Variants in LRRTM3 observed in about 807,000 individuals in gnomAD.
LRRTM3 encodes leucine rich repeat transmembrane neuronal 3.
LRRTM3 carries 24 observed loss-of-function variants against 44.7 expected under a neutral mutation model. The observed-to-expected ratio is 0.54, with a 90% CI of 0.39 to 0.76. The LOEUF (loss-of-function observed/expected upper bound fraction) is 0.76, where lower values mean the gene tolerates loss of function less well. LRRTM3 is among the 30% of genes least tolerant of loss of function. The probability of loss-of-function intolerance (pLI) is 0.00; values close to 1 mark genes in which losing one functional copy is unlikely to be tolerated. For synonymous variants in LRRTM3, 277 were observed against 278.7 expected (o/e 0.99, Z 0.06); for missense variants, 587 against 702.2 (o/e 0.84, Z 1.85).
chr10:66,926,803 T>C, intron 1 of LRRTM3, 118 bp from the exon 2 acceptor site: 3 of 976,020 alleles, frequency 3.1e-6, no homozygotes, highest in South Asian at 1.8e-5. Flanking sequence ...TAATATGTGA[T>C]GTTAAGTGTT....
At chr10:67,071,647 G>A (rs971956614) in intron 2 of LRRTM3, among the ~76,000 whole-genome samples, 4 of 151,578 alleles carry the variant, frequency 2.6e-5, no homozygotes, top group Admixed American at 6.6e-5. Context: ...TGTGTGTGGC[G>A]GTCTTTCCAA....
At chr10:67,005,928 T>C (rs1916372) in intron 2 of LRRTM3, among the ~76,000 whole-genome samples, 79,282 of 151,356 alleles carry the variant, frequency 0.52, 21,483 homozygotes, top group Middle Eastern at 0.74. Context: ...TCAGGTGACC[T>C]GCCTGCCTTG....
intron 2 of LRRTM3, chr10:67,015,203 T>A (rs1852583141): frequency 6.6e-6 from 1 of 152,160 alleles, no homozygotes; most frequent in South Asian, 2.1e-4. Flanking sequence ...TTAACATGCT[T>A]TCATTATCAT....
intron 2 of LRRTM3, among the ~76,000 whole-genome samples, chr10:67,071,583 A>G (rs1348132595): frequency 6.6e-6 from 1 of 151,828 alleles, no homozygotes; most frequent in Non-Finnish European, 1.5e-5. Context: ...AAATGTCCCT[A>G]TGAATGTTTT....
At chr10:66,973,305 T>C (rs1168575345) in intron 2 of LRRTM3, among the ~76,000 whole-genome samples, 1 of 152,174 alleles carries the variant, frequency 6.6e-6, no homozygotes, top group African/African-American at 2.4e-5. Context: ...GAAGAAAATT[T>C]CATAATATTC....
chr10:66,959,315 C>T lies in LRRTM3; in HGVS notation c.1536+30863C>T, dbSNP rs370468600. The stretch of plus-strand genomic sequence containing the variant: ...AATGCCTGGATTGATGATCAGGGAA[C>T]TCTTTGAGCTAGAAACCAAGACAGG... On this transcript the variant is annotated intron_variant, in intron 2 of 2. Coordinates refer to ENST00000361320, the MANE Select transcript of LRRTM3 (RefSeq NM_178011.5). Among the ~76,000 whole-genome samples the T allele has an allele frequency of 5.9e-5, 9 of 152,296 alleles. No homozygotes were observed. In the East Asian group the frequency reaches 1.3e-3, roughly 23 times the overall value.
At chr10:67,054,030 T>A (rs1163996640) in intron 2 of LRRTM3, among the ~76,000 whole-genome samples, 1 of 152,276 alleles carries the variant, frequency 6.6e-6, no homozygotes, top group South Asian at 2.1e-4. Flanking sequence ...ACTGACCAGT[T>A]TCCTTAATTC....
At chr10:66,960,228 C>T (rs1483950949) in intron 2 of LRRTM3, among the ~76,000 whole-genome samples, 2 of 152,040 alleles carry the variant, frequency 1.3e-5, no homozygotes, top group Non-Finnish European at 2.9e-5. Flanking sequence ...ATTTAAAATA[C>T]AGAAGTTCAT....
At chr10:67,001,114 A>T (rs1851658847) in intron 2 of LRRTM3, among the ~76,000 whole-genome samples, 1 of 151,876 alleles carries the variant, frequency 6.6e-6, no homozygotes, top group African/African-American at 2.4e-5. Context: ...CATCCTGGCC[A>T]ACATGATGAA....
intron 2 of LRRTM3, among the ~76,000 whole-genome samples, chr10:67,036,275 C>CT (rs373402264): frequency 9.4e-4 from 136 of 145,452 alleles, no homozygotes; most frequent in East Asian, 4.2e-3. Flanking sequence ...CCACACCCAG[C>CT]TTTTTTTTTT....
chr10:66,987,685 C>T (rs1427341694), intron 2 of LRRTM3, among the ~76,000 whole-genome samples: 2 of 152,102 alleles, frequency 1.3e-5, no homozygotes, highest in Non-Finnish European at 2.9e-5. Flanking sequence ...CAAAGACTTA[C>T]CATTACACTT....
chr10:67,048,917 C>T (rs1180266975), intron 2 of LRRTM3, among the ~76,000 whole-genome samples: 1 of 152,036 alleles, frequency 6.6e-6, no homozygotes. Flanking sequence ...ACTCATACAA[C>T]TAGTCATTCC....
intron 2 of LRRTM3, among the ~76,000 whole-genome samples, chr10:67,060,754 T>C (rs1855711271): frequency 6.6e-6 from 1 of 152,216 alleles, no homozygotes; most frequent in Non-Finnish European, 1.5e-5. Flanking sequence ...GTGGTGCCTC[T>C]GTCAGCCTAG....
intron 2 of LRRTM3, among the ~76,000 whole-genome samples, chr10:66,945,745 T>A (rs1848238658): frequency 6.6e-6 from 1 of 152,192 alleles, no homozygotes; most frequent in African/African-American, 2.4e-5. Flanking sequence ...GAGATAAATG[T>A]GACTCTCTTT....
chr10:67,076,480 T>C (rs1925606), intron 2 of LRRTM3, among the ~76,000 whole-genome samples: 7,695 of 152,264 alleles, frequency 0.051, 631 homozygotes, highest in African/African-American at 0.17. Context: ...TCTCCAAGAA[T>C]CTATTTCCAG....
intron 2 of LRRTM3, among the ~76,000 whole-genome samples, chr10:66,979,505 C>T (rs1850288201): frequency 1.3e-5 from 2 of 152,062 alleles, no homozygotes; most frequent in Admixed American, 6.6e-5. Flanking sequence ...AAATTTCGGC[C>T]CAGGGTGCAG....
At chr10:66,962,358 A>G (rs993569845) in intron 2 of LRRTM3, among the ~76,000 whole-genome samples, 2 of 151,702 alleles carry the variant, frequency 1.3e-5, no homozygotes, top group African/African-American at 2.4e-5. Flanking sequence ...TCTTGCCCCA[A>G]ATGTCTGCCT....
intron 2 of LRRTM3, among the ~76,000 whole-genome samples, chr10:67,078,512 CT>C (rs11396357): frequency 6.6e-6 from 1 of 151,246 alleles, no homozygotes; most frequent in African/African-American, 2.4e-5. Context: ...TTTCTGATAC[CT>C]TTTTTATTAT....
At chr10:66,978,716 A>C (rs922910440) in intron 2 of LRRTM3, among the ~76,000 whole-genome samples, 1 of 150,060 alleles carries the variant, frequency 6.7e-6, no homozygotes, top group African/African-American at 2.4e-5. Context: ...CCAGTGAATA[A>C]ATACATTTAC....
Sources: gnomAD v4.1 joint callset for allele counts (sites outside exome capture counted in the v4.1 genomes callset) on GRCh38, gnomAD v4.1.1 for gene constraint, MANE v1.5 for transcripts, NCBI Gene and HGNC (gene_info 2026-07-23, HGNC 2026-07-21) for gene names.